PHIP: variants seen among roughly 807,000 people sequenced by gnomAD.
PHIP encodes PH-interacting protein.
PHIP carries 54 observed loss-of-function variants against 236.8 expected under a neutral mutation model. That is an observed-to-expected ratio of 0.23 (90% CI 0.18 to 0.29). PHIP has a LOEUF of 0.29. Among genes scored for constraint, PHIP ranks in the 10% least tolerant of loss-of-function variants. The pLI, the probability that PHIP is intolerant of heterozygous loss-of-function variation, is 1.00. For synonymous variants in PHIP, 756 were observed against 718.9 expected (o/e 1.05, Z -0.83); for missense variants, 1,370 against 2,190.8 (o/e 0.63, Z 7.48).
At chr6:79,042,729 T>C in intron 7 of PHIP, 114 bp downstream of exon 7, 3 of 671,244 alleles carry the variant, frequency 4.5e-6, no homozygotes, top group Non-Finnish European at 7.1e-6. Context: ...ACCACCTGAA[T>C]TTCCGGTTTC....
rs1354336938 is a variant in PHIP, at chr6:78,936,831, T to TA, written c.*3861dup. On this transcript the variant is annotated 3_prime_UTR_variant, in exon 40 of 40. Transcript: ENST00000275034. ...CATTTGGAGCAAACTTTGCTCAGTA[T>TA]AATTAACAAAAATAGTTTCTTAGTA... The TA allele has an allele frequency of 6.6e-6, 1 of 151,824 alleles. No individual in the cohort carries two copies. The highest frequency in any genetic ancestry group is 1.5e-5 in the Non-Finnish European group (1 of 67,750). 9.4% of individuals were successfully genotyped at this position (151,824 alleles called of 1,614,324 possible).
In PHIP at chr6:78,938,630, C is replaced by G. The variant is rs972469339; in HGVS notation, c.*2063G>C. ...TCATTTTTCTATACAATCAAGCCAT[C>G]CATTTCTGCATTATGAAGAGTTTAA... On this transcript the variant is annotated 3_prime_UTR_variant, in exon 40 of 40. Coordinates refer to ENST00000275034, the MANE Select transcript of PHIP (RefSeq NM_017934.7). 1 of 151,548 alleles carries G rather than the reference C, an allele frequency of 6.6e-6. No homozygotes were observed. 9.4% of individuals were successfully genotyped at this position (151,548 alleles called of 1,614,324 possible). A position where few individuals can be genotyped will look rare whatever the true frequency, so the allele number is the denominator to read the frequency against.
chr6:78,970,622 T>A (rs1370463110), intron 25 of PHIP, among the ~76,000 whole-genome samples, 159 bp downstream of exon 25: 1 of 152,164 alleles, frequency 6.6e-6, no homozygotes, highest in Non-Finnish European at 1.5e-5. Flanking sequence ...TTTCTCTGGA[T>A]GAAAATTAAA....
At position 78,934,880 on chromosome 6, in the gene PHIP, C is replaced by T. The variant is rs1313880090; in HGVS notation, c.*5813G>A. Among the ~76,000 whole-genome samples the T allele has an allele frequency of 6.6e-6, 1 of 152,158 alleles. No individual in the cohort carries two copies. The highest frequency in any genetic ancestry group is 1.5e-5 in the Non-Finnish European group (1 of 68,038). On this transcript the variant is annotated 3_prime_UTR_variant, in exon 40 of 40. Coordinates refer to ENST00000275034, the MANE Select transcript of PHIP (RefSeq NM_017934.7). ...TACACTGTGCTGCCAGTATGTCTAA[C>T]CAATTAGGTAGAAAGGTATTTCATT...
chr6:78,953,367 C>T (rs1337740722), intron 35 of PHIP, among the ~76,000 whole-genome samples: 1 of 152,158 alleles, frequency 6.6e-6, no homozygotes, highest in Non-Finnish European at 1.5e-5. Context: ...AGAATAAAAA[C>T]ATTGTCTTAT....
intron 19 of PHIP, 120 bp from the exon 20 acceptor site, chr6:78,991,105 T>C (rs2127724053): frequency 1.6e-6 from 1 of 643,066 alleles, no homozygotes; most frequent in South Asian, 2.0e-5. Flanking sequence ...GATGGAAGCA[T>C]GTGATAAAGA....
chr6:78,963,070 T>C, intron 30 of PHIP, 27 bp downstream of exon 30: 1 of 1,542,422 alleles, frequency 6.5e-7, no homozygotes, highest in Non-Finnish European at 8.7e-7. Context: ...GCCAGTTTTT[T>C]CTATACTCGC....
chr6:78,966,137 T>C, intron 27 of PHIP, 81 bp from the exon 28 acceptor site: 1 of 829,994 alleles, frequency 1.2e-6, no homozygotes, highest in South Asian at 1.4e-5. Flanking sequence ...AACCTTTAAG[T>C]ACCTAAACTG....
intron 29 of PHIP, among the ~76,000 whole-genome samples, chr6:78,964,304 AT>A (rs1295613019): frequency 7.9e-5 from 12 of 152,094 alleles, no homozygotes; most frequent in African/African-American, 2.9e-4. Flanking sequence ...CAGTATGACA[AT>A]TTTCTCATTT....
chr6:79,072,422 T>A (rs1471659878), intron 4 of PHIP, among the ~76,000 whole-genome samples: 1 of 152,198 alleles, frequency 6.6e-6, no homozygotes, highest in Non-Finnish European at 1.5e-5. Context: ...CATTTTTCCT[T>A]TATTTTTTAG....
rs148537335 is a variant in PHIP, at chr6:79,018,778, T to C, written c.994+311A>G. The stretch of plus-strand genomic sequence containing the variant: ...TAAACCAGATTTAAAATACCATTCT[T>C]ACAATGAAACAACTATTTAAACATT... On this transcript the variant is annotated intron_variant, in intron 10 of 39. Transcript: ENST00000275034. Among the ~76,000 whole-genome samples the C allele has an allele frequency of 4.7e-3, 722 of 152,132 alleles. 4 individuals are homozygous for C. Among genetic ancestry groups the C allele is most frequent in the Non-Finnish European group, 7.3e-3 (492 of 67,846 alleles).
intron 34 of PHIP, 91 bp from the exon 35 acceptor site, chr6:78,955,054 T>A: frequency 1.0e-6 from 1 of 975,054 alleles, no homozygotes; most frequent in Non-Finnish European, 1.5e-6. Flanking sequence ...TTGGGTAATA[T>A]ACAATAATTC....
intron 19 of PHIP, among the ~76,000 whole-genome samples, chr6:78,994,577 AAAAAG>A (rs59170399): frequency 6.6e-6 from 1 of 150,910 alleles, no homozygotes; most frequent in Non-Finnish European, 1.5e-5. Context: ...ACTCTGTCTC[AAAAAG>A]AAAAGAAAAG....
At position 78,946,181 on chromosome 6, in the gene PHIP, A is replaced by C; in HGVS notation, c.4450T>G (p.Ser1484Ala). ...GCAGCATTGTGTCTTGGCGGTATTG[A>C]TCGTGTAGGTGTAGAGAATGCAGAG... ...STSAFSTPTRSIPPRHNAAQI... is the reference protein window; with the variant it reads ...STSAFSTPTRAIPPRHNAAQI... Residue 1484 changes from serine (S) to alanine (A), a missense_variant, in exon 38 of 40, where the codon TCA becomes GCA. By Grantham distance (99) the Ser-to-Ala change is moderately conservative. This residue lies in a region of PHIP where 309 missense variants were observed against 328.3 expected (regional missense o/e 0.94). Transcript: ENST00000275034. 6.2e-7 allele frequency: 1 copy of C among 1,613,804 alleles called. No individual in the cohort carries two copies. Among genetic ancestry groups the C allele is most frequent in the Non-Finnish European group, 8.5e-7 (1 of 1,179,774 alleles).
At chr6:79,040,382 TGGA>T (rs540734768) in intron 7 of PHIP, among the ~76,000 whole-genome samples, 201 of 152,258 alleles carry the variant, frequency 1.3e-3, no homozygotes, top group African/African-American at 4.6e-3. Context: ...GAGAATCCCT[TGGA>T]AAAAGCTTTC....
chr6:78,958,381 C>A (rs940185795), intron 32 of PHIP, 94 bp downstream of exon 32: 11 of 829,830 alleles, frequency 1.3e-5, no homozygotes, highest in Middle Eastern at 3.6e-4. Context: ...TTAAATGTTT[C>A]TTCTTTACAA....
At chr6:78,975,390 A>G (rs952484597) in intron 24 of PHIP, among the ~76,000 whole-genome samples, 1 of 152,228 alleles carries the variant, frequency 6.6e-6, no homozygotes, top group African/African-American at 2.4e-5. Flanking sequence ...AATCAGAGCT[A>G]TCTATGACAA....
intron 19 of PHIP, among the ~76,000 whole-genome samples, chr6:78,993,673 C>G (rs891999644): frequency 6.6e-6 from 1 of 152,138 alleles, no homozygotes; most frequent in African/African-American, 2.4e-5. Context: ...ACTGTTGAGA[C>G]CTACTACTCG....
chr6:78,981,616 T>G (rs1768540696), intron 23 of PHIP, among the ~76,000 whole-genome samples: 1 of 151,964 alleles, frequency 6.6e-6, no homozygotes, highest in Non-Finnish European at 1.5e-5. Flanking sequence ...GGGGACCAGA[T>G]GAAGCAAACT....
Sources: allele counts gnomAD v4.1 joint callset (sites outside exome capture counted in the v4.1 genomes callset), GRCh38; gene constraint gnomAD v4.1.1; regional missense constraint gnomAD v4.1.1; transcripts MANE v1.5; gene names NCBI Gene and HGNC (gene_info 2026-07-23, HGNC 2026-07-21).